The following ZNF565 variants were observed in gnomAD, a reference collection of about 807,000 sequenced individuals.
ZNF565 encodes the protein zinc finger protein 565.
A neutral mutation model predicts 39.4 loss-of-function variants in ZNF565; 27 were observed. That is an observed-to-expected ratio of 0.69 (90% CI 0.51 to 0.95). The LOEUF is 0.95. Among genes scored for constraint, ZNF565 ranks in the 40% least tolerant of loss-of-function variants. The pLI, the probability that ZNF565 is intolerant of heterozygous loss-of-function variation, is 0.00. For missense variants in ZNF565, 524 were observed against 621.1 expected, an observed-to-expected ratio of 0.84 and a Z score of 1.66; for synonymous variants, 185 against 216.6, an observed-to-expected ratio of 0.85 and a Z score of 1.28.
At chr19:36,188,725 A>C (rs987966875) in intron 4 of ZNF565, among the ~76,000 whole-genome samples, 7 of 151,690 alleles carry the variant, frequency 4.6e-5, no homozygotes, top group Non-Finnish European at 1.0e-4. Flanking sequence ...AAAAAAAAAA[A>C]ACAAAACAAC....
At chr19:36,234,845 A>G (rs544642629) in intron 1 of ZNF565, among the ~76,000 whole-genome samples, 81 of 152,330 alleles carry the variant, frequency 5.3e-4, no homozygotes, top group African/African-American at 1.8e-3. Flanking sequence ...TGCAGGGGAT[A>G]AACTTCCATT....
intron 1 of ZNF565, among the ~76,000 whole-genome samples, chr19:36,222,164 T>C (rs1976875356): frequency 6.6e-6 from 1 of 152,138 alleles, no homozygotes. Flanking sequence ...GCTCAAGCAG[T>C]CCTCCTCTCT....
rs141907250 is a variant in ZNF565, at chr19:36,221,905, G to A, written c.56-19855C>T. ...TTCTTTAATAACAGTATGTCCTAGA[G>A]ATAGCCCTTCCTTTTTTCTTTCTTT... On this transcript the variant is annotated intron_variant, in intron 1 of 4. Transcript: ENST00000355114. Among the ~76,000 whole-genome samples the A allele has an allele frequency of 7.0e-3, 1,029 of 147,418 alleles. 10 individuals are homozygous for A. Among genetic ancestry groups the A allele is most frequent in the African/African-American group, 0.024 (954 of 40,264 alleles).
At chr19:36,214,796 A>T (rs1049359585), upstream of ZNF565, 1 of 152,558 alleles carries the variant, frequency 6.6e-6, no homozygotes, top group African/African-American at 2.4e-5. Flanking sequence ...GCTCGTTTTG[A>T]CATTTTTGCG....
Position 36,245,743 on chromosome 19 carries a change from GTT to G in ZNF565, c.-215_-214del, listed in dbSNP as rs1438302708. ...ATGACCCACCCTGGCTCCGTCCACG[GTT>G]GTCGGGGTCCCGGGCTGCTTTTCTT... is the stretch of plus-strand genomic sequence containing the variant. On this transcript the variant is annotated 5_prime_UTR_variant, in exon 1 of 5. Coordinates refer to the ZNF565 transcript ENST00000355114. This position sits in a 1 kb window ranked among gnomAD's most constrained non-coding sequence, Gnocchi z 4.4. The G allele has an allele frequency of 2.6e-5, 14 of 545,930 alleles. No individual in the cohort carries two copies. Among genetic ancestry groups the G allele is most frequent in the Non-Finnish European group, 2.3e-5 (7 of 308,322 alleles). 33.8% of individuals were successfully genotyped at this position (545,930 alleles called of 1,614,324 possible).
At chr19:36,202,201 C>T (rs1446293129) in intron 1 of ZNF565, among the ~76,000 whole-genome samples, 151 bp from the exon 2 acceptor site, 5 of 152,002 alleles carry the variant, frequency 3.3e-5, no homozygotes, top group Non-Finnish European at 5.9e-5. Flanking sequence ...CAAGAACTAA[C>T]ATTAAGAACT....
At chr19:36,208,205 AT>A (rs11307687) in intron 1 of ZNF565, among the ~76,000 whole-genome samples, 66,999 of 135,812 alleles carry the variant, frequency 0.49, 15,096 homozygotes, top group Admixed American at 0.57. Context: ...TTACAGGACA[AT>A]TTTTTTTTTT....
At chr19:36,233,288 A>G (rs563125724) in intron 1 of ZNF565, among the ~76,000 whole-genome samples, 45 of 152,272 alleles carry the variant, frequency 3.0e-4, no homozygotes, top group African/African-American at 1.1e-3. Context: ...TTGAGGCTTC[A>G]AGAATCACTT....
chr19:36,189,620 C>T (rs904266362), intron 4 of ZNF565, among the ~76,000 whole-genome samples: 2 of 151,894 alleles, frequency 1.3e-5, no homozygotes, highest in Non-Finnish European at 2.9e-5. Flanking sequence ...CTGTACCCGG[C>T]CCCTTATGTA....
chr19:36,184,079 T>TAAAAA (rs752744030), intron 4 of ZNF565, among the ~76,000 whole-genome samples: 704 of 39,202 alleles, frequency 0.018, 79 homozygotes, highest in Non-Finnish European at 0.025. Flanking sequence ...CTCTGTCTCA[T>TAAAAA]AAAAAAAAAA....
At chr19:36,244,798 C>T (rs1160441002) in intron 1 of ZNF565, among the ~76,000 whole-genome samples, 1 of 148,706 alleles carries the variant, frequency 6.7e-6, no homozygotes, top group Admixed American at 6.8e-5. Context: ...TTGCAGTGAG[C>T]CGAGATCGTG....
upstream of ZNF565, among the ~76,000 whole-genome samples, chr19:36,217,053 G>GTTTTT (rs1568427584): frequency 4.2e-5 from 3 of 71,822 alleles, no homozygotes; most frequent in African/African-American, 9.7e-5. Context: ...GCCAGTCCCT[G>GTTTTT]TCTTTTTTTT....
chr19:36,244,780 G>A (rs552657377), intron 1 of ZNF565, among the ~76,000 whole-genome samples: 5 of 151,746 alleles, frequency 3.3e-5, no homozygotes, highest in Non-Finnish European at 5.9e-5. Flanking sequence ...GAACCCGGGA[G>A]GTGGAGGTTG....
At chr19:36,222,677 G>A (rs757879675) in intron 1 of ZNF565, among the ~76,000 whole-genome samples, 2 of 151,018 alleles carry the variant, frequency 1.3e-5, no homozygotes, top group Non-Finnish European at 2.9e-5. Flanking sequence ...TCTAGGAACT[G>A]TCTATTCATA....
At chr19:36,193,534 G>A (rs8107616) in intron 4 of ZNF565, among the ~76,000 whole-genome samples, 62,811 of 147,226 alleles carry the variant, frequency 0.43, 13,460 homozygotes, top group African/African-American at 0.51. Context: ...TCCGCCTCCC[G>A]GGTTCACGCC....
Position 36,237,519 on chromosome 19 carries a change from A to T in ZNF565, c.55+7957T>A, listed in dbSNP as rs1345207931. ...TTAAAACCCTGTGTCCAACAGAGAA[A>T]CCTGCAGCAGAGATAATGGTGAAAG... On this transcript the variant is annotated intron_variant, in intron 1 of 4. Transcript: ENST00000355114. 1.6e-5 allele frequency: 8 copies of T among 513,954 alleles called. No individual in the cohort carries two copies. In the African/African-American group the frequency reaches 1.6e-4, roughly 10 times the overall value. 31.8% of individuals were successfully genotyped at this position (513,954 alleles called of 1,614,324 possible).
intron 1 of ZNF565, among the ~76,000 whole-genome samples, chr19:36,213,697 T>C (rs1218001892): frequency 6.6e-6 from 1 of 150,470 alleles, no homozygotes; most frequent in African/African-American, 2.5e-5. Flanking sequence ...TAATTTTTTT[T>C]TTTTTTTTTT....
chr19:36,233,497 G>A (rs908074413), intron 1 of ZNF565, among the ~76,000 whole-genome samples: 2 of 152,060 alleles, frequency 1.3e-5, no homozygotes, highest in Non-Finnish European at 2.9e-5. Context: ...ACCTGCATAC[G>A]GAGGACCTCT....
chr19:36,189,261 C>T (rs960471439), intron 4 of ZNF565, among the ~76,000 whole-genome samples: 2 of 151,992 alleles, frequency 1.3e-5, no homozygotes, highest in African/African-American at 2.4e-5. Flanking sequence ...TACACTCCAG[C>T]CTGGGCAACA....
Sources: allele counts gnomAD v4.1 joint callset (sites outside exome capture counted in the v4.1 genomes callset), GRCh38; gene constraint gnomAD v4.1.1; non-coding constraint Gnocchi (gnomAD v3.1); transcripts MANE v1.5; gene names NCBI Gene and HGNC (gene_info 2026-07-23, HGNC 2026-07-21).